Variants in CCSER1 observed in about 807,000 individuals in gnomAD.
CCSER1 encodes the protein serine-rich coiled-coil domain-containing protein 1.
Under a neutral mutation model 82.0 loss-of-function variants are expected in CCSER1, and 41 were observed. The ratio of observed to expected loss-of-function variants is 0.50; its 90% CI spans 0.39 to 0.65. The LOEUF (loss-of-function observed/expected upper bound fraction) is 0.65, where lower values mean the gene tolerates loss of function less well. CCSER1 is among the 30% of genes least tolerant of loss of function. The probability of loss-of-function intolerance (pLI) is 0.00; values close to 1 mark genes in which losing one functional copy is unlikely to be tolerated. For missense variants in CCSER1, 1,119 were observed against 1,064.2 expected (o/e 1.05, Z -0.72); for synonymous variants, 414 against 383.9 (o/e 1.08, Z -0.92).
At chr4:91,582,734 A>T (rs1284844770) in intron 10 of CCSER1, among the ~76,000 whole-genome samples, 1 of 151,390 alleles carries the variant, frequency 6.6e-6, no homozygotes, top group African/African-American at 2.4e-5. Flanking sequence ...TCTGTCTATC[A>T]ATCAATCAAT....
At chr4:91,213,746 TTTAA>T (rs1436236446) in intron 10 of CCSER1, among the ~76,000 whole-genome samples, 1 of 152,202 alleles carries the variant, frequency 6.6e-6, no homozygotes, top group Admixed American at 6.5e-5. Flanking sequence ...CACGGGATCC[TTTAA>T]TAAAGTCAAG....
At chr4:90,410,124 C>A (rs1473610894) in intron 4 of CCSER1, among the ~76,000 whole-genome samples, 1 of 152,156 alleles carries the variant, frequency 6.6e-6, no homozygotes, top group African/African-American at 2.4e-5. Context: ...CACCCAGATT[C>A]ATAAAGCAAG....
At chr4:90,843,655 C>T (rs979827046) in intron 8 of CCSER1, among the ~76,000 whole-genome samples, 5 of 152,180 alleles carry the variant, frequency 3.3e-5, no homozygotes, top group African/African-American at 4.8e-5. Flanking sequence ...TTCGTCCCTT[C>T]CTTCAACTTT....
intron 3 of CCSER1, among the ~76,000 whole-genome samples, chr4:90,332,821 A>G (rs1358650150): frequency 6.6e-6 from 1 of 152,204 alleles, no homozygotes; most frequent in Non-Finnish European, 1.5e-5. Context: ...AAGTATCAAA[A>G]TCTGCAAATT....
At chr4:91,123,300 A>G (rs540486991) in intron 10 of CCSER1, among the ~76,000 whole-genome samples, 17 of 151,904 alleles carry the variant, frequency 1.1e-4, no homozygotes, top group Non-Finnish European at 1.9e-4. Flanking sequence ...TTTCATTCAA[A>G]GAAAAGCTTA....
intron 10 of CCSER1, among the ~76,000 whole-genome samples, chr4:91,092,411 G>A (rs112751654): frequency 6.6e-6 from 1 of 152,158 alleles, no homozygotes; most frequent in African/African-American, 2.4e-5. Flanking sequence ...GTAAATACTT[G>A]TTACCTCTGC....
intron 10 of CCSER1, among the ~76,000 whole-genome samples, chr4:91,300,727 G>A (rs1449609798): frequency 6.6e-6 from 1 of 151,760 alleles, no homozygotes; most frequent in Non-Finnish European, 1.5e-5. Context: ...AGTTATAATT[G>A]GTGTTAAGAA....
chr4:91,558,979 A>G (rs188680959), intron 10 of CCSER1, among the ~76,000 whole-genome samples: 2 of 151,720 alleles, frequency 1.3e-5, no homozygotes, highest in African/African-American at 2.4e-5. Flanking sequence ...TTCAAATTAT[A>G]TATCTACAGA....
At chr4:90,768,703 G>A (rs1197441973) in intron 7 of CCSER1, among the ~76,000 whole-genome samples, 1 of 152,110 alleles carries the variant, frequency 6.6e-6, no homozygotes, top group Admixed American at 6.6e-5. Context: ...TTGTTATATA[G>A]TATCAGAAAG....
At chr4:90,555,910 C>T (rs914552568) in intron 5 of CCSER1, among the ~76,000 whole-genome samples, 17 of 152,074 alleles carry the variant, frequency 1.1e-4, no homozygotes, top group African/African-American at 2.4e-4. Flanking sequence ...AGTTATTTTG[C>T]GTTACACTAA....
intron 8 of CCSER1, among the ~76,000 whole-genome samples, chr4:90,888,271 A>G (rs895698418): frequency 2.0e-5 from 3 of 152,184 alleles, no homozygotes; most frequent in African/African-American, 7.2e-5. Flanking sequence ...TATAAAAAGT[A>G]GATTAAAGAG....
At chr4:91,092,819 T>A (rs756076661) in intron 10 of CCSER1, among the ~76,000 whole-genome samples, 6 of 152,160 alleles carry the variant, frequency 3.9e-5, no homozygotes, top group Non-Finnish European at 8.8e-5. Flanking sequence ...CTGTGACTGA[T>A]GCCCGGTAAG....
rs796661106 is a variant in CCSER1 at position 90,277,074 on chromosome 4, C to CT, written c.-41-31160dup. ...CAGATAGTTTGACTTATTTGGATGC[C>CT]TTTTTTTTTTCTCTTGCCTGGCTGC... On this transcript the variant is annotated intron_variant, in intron 1 of 10. Transcript: ENST00000509176. Among the ~76,000 whole-genome samples the CT allele has an allele frequency of 4.8e-3, 708 of 148,532 alleles. 5 individuals are homozygous for CT. Among genetic ancestry groups the CT allele is most frequent in the African/African-American group, 0.016 (642 of 40,652 alleles).
intron 10 of CCSER1, among the ~76,000 whole-genome samples, chr4:91,443,024 G>A (rs910221966): frequency 1.3e-4 from 20 of 152,096 alleles, no homozygotes; most frequent in Non-Finnish European, 2.5e-4. Context: ...CACTGTTGGT[G>A]GGACTGTAAA....
chr4:90,193,145 GT>G (rs1206075199), intron 1 of CCSER1, among the ~76,000 whole-genome samples: 2 of 152,026 alleles, frequency 1.3e-5, no homozygotes, highest in Non-Finnish European at 2.9e-5. Context: ...AAAATTGCAT[GT>G]GTAGTAACCA....
chr4:91,303,814 A>G (rs912715380), intron 10 of CCSER1, among the ~76,000 whole-genome samples: 3 of 151,968 alleles, frequency 2.0e-5, no homozygotes, highest in African/African-American at 7.2e-5. Flanking sequence ...ACAAACAACA[A>G]CAACAAAACA....
intron 5 of CCSER1, among the ~76,000 whole-genome samples, chr4:90,575,175 A>C (rs1183931048): frequency 6.6e-6 from 1 of 152,204 alleles, no homozygotes; most frequent in Non-Finnish European, 1.5e-5. Flanking sequence ...TTATGTTGCT[A>C]TAACAAAATT....
chr4:90,532,262 G>A (rs957720142), intron 5 of CCSER1, among the ~76,000 whole-genome samples: 9 of 152,276 alleles, frequency 5.9e-5, no homozygotes, highest in Admixed American at 5.9e-4. Flanking sequence ...CCAGGCAAGT[G>A]ATTTCCGTAT....
intron 10 of CCSER1, among the ~76,000 whole-genome samples, chr4:91,263,614 C>T (rs1741356269): frequency 6.6e-6 from 1 of 151,816 alleles, no homozygotes; most frequent in Non-Finnish European, 1.5e-5. Context: ...CAATTTTCTG[C>T]TTTATATGCC....
Sources: gnomAD v4.1 joint callset for allele counts (sites outside exome capture counted in the v4.1 genomes callset) on GRCh38, gnomAD v4.1.1 for gene constraint, MANE v1.5 for transcripts, NCBI Gene and HGNC (gene_info 2026-07-23, HGNC 2026-07-21) for gene names.